Variants in EFNA5 observed in about 807,000 individuals in gnomAD.
The protein encoded by EFNA5 is ephrin A5.
EFNA5 carries 5 observed loss-of-function variants against 22.9 expected under a neutral mutation model. That is an observed-to-expected ratio of 0.22 (90% CI 0.11 to 0.46). The LOEUF (loss-of-function observed/expected upper bound fraction) is 0.46, where lower values mean the gene tolerates loss of function less well. Among genes scored for constraint, EFNA5 ranks in the 20% least tolerant of loss-of-function variants. The probability of loss-of-function intolerance (pLI) is 0.99; values close to 1 mark genes in which losing one functional copy is unlikely to be tolerated. For synonymous variants in EFNA5, 113 were observed against 112.2 expected, an observed-to-expected ratio of 1.01 and a Z score of -0.04; for missense variants, 237 against 293.3, an observed-to-expected ratio of 0.81 and a Z score of 1.40.
intron 1 of EFNA5, among the ~76,000 whole-genome samples, chr5:107,640,976 G>GTAGATAGATAGATAGATAGATAGA (rs55898305): frequency 2.8e-5 from 4 of 145,454 alleles, no homozygotes; most frequent in Admixed American, 7.0e-5. Context: ...AGGTAGGCAG[G>GTAGATAGATAGATAGATAGATAGA]TAGATAGATA....
chr5:107,476,057 T>TATACATATA, intron 1 of EFNA5, among the ~76,000 whole-genome samples: 3 of 100,422 alleles, frequency 3.0e-5, no homozygotes, highest in African/African-American at 5.0e-5. Context: ...TATATATATA[T>TATACATATA]TTTTTTTTTT....
At chr5:107,651,845 C>A (rs1325784016) in intron 1 of EFNA5, among the ~76,000 whole-genome samples, 1 of 152,124 alleles carries the variant, frequency 6.6e-6, no homozygotes, top group Non-Finnish European at 1.5e-5. Flanking sequence ...TCAACATTTA[C>A]CAGTATTCTG....
intron 1 of EFNA5, among the ~76,000 whole-genome samples, chr5:107,432,722 C>T (rs908574292): frequency 6.6e-6 from 1 of 152,060 alleles, no homozygotes; most frequent in African/African-American, 2.4e-5. Flanking sequence ...AAAAGATGGT[C>T]ACTGCTCCCC....
At chr5:107,464,340 G>T (rs546522040) in intron 1 of EFNA5, among the ~76,000 whole-genome samples, 1 of 152,272 alleles carries the variant, frequency 6.6e-6, no homozygotes, top group South Asian at 2.1e-4. Flanking sequence ...TTCTGATGAA[G>T]ATGACAAGCA....
chr5:107,541,326 C>A (rs949714421), intron 1 of EFNA5, among the ~76,000 whole-genome samples: 8 of 151,890 alleles, frequency 5.3e-5, no homozygotes, highest in African/African-American at 1.7e-4. Flanking sequence ...TATCAGAATG[C>A]CAATAGCAAT....
chr5:107,543,810 T>C (rs1248957007), intron 1 of EFNA5, among the ~76,000 whole-genome samples: 1 of 152,234 alleles, frequency 6.6e-6, no homozygotes, highest in Non-Finnish European at 1.5e-5. Context: ...ATTATTAGCC[T>C]TGGTGAAATG....
At chr5:107,545,326 T>G (rs1748123291) in intron 1 of EFNA5, among the ~76,000 whole-genome samples, 1 of 152,222 alleles carries the variant, frequency 6.6e-6, no homozygotes, top group Non-Finnish European at 1.5e-5. Context: ...ATCTTATATG[T>G]TGGGTATATT....
rs376934819 is a variant in EFNA5 at position 107,565,652 on chromosome 5, A to G, written c.125+104837T>C. Reference sequence around the variant, plus strand: ...AATATGTATTTTCCTGTTTTATAACAGCCAAATAATGCTAGGTATATATAT... The same window carrying G: ...AATATGTATTTTCCTGTTTTATAACGGCCAAATAATGCTAGGTATATATAT... On this transcript the variant is annotated intron_variant, in intron 1 of 4. Coordinates refer to ENST00000333274, the MANE Select transcript of EFNA5 (RefSeq NM_001962.3). Among the ~76,000 whole-genome samples the G allele has an allele frequency of 2.0e-4, 30 of 152,348 alleles. 1 individual carries two copies. The South Asian group carries it at 4.3e-3, about 22-fold the overall frequency.
intron 1 of EFNA5, among the ~76,000 whole-genome samples, chr5:107,587,599 C>T (rs887581434): frequency 2.6e-5 from 4 of 152,190 alleles, no homozygotes; most frequent in Admixed American, 1.3e-4. Flanking sequence ...TCACTGCAAG[C>T]TCCGCCTCCC....
chr5:107,602,011 T>C (rs1749607080), intron 1 of EFNA5, among the ~76,000 whole-genome samples: 1 of 152,236 alleles, frequency 6.6e-6, no homozygotes, highest in African/African-American at 2.4e-5. Context: ...TCCCTTAATT[T>C]ACTGAATACT....
intron 1 of EFNA5, among the ~76,000 whole-genome samples, chr5:107,666,747 T>C (rs1751083524): frequency 6.6e-6 from 1 of 152,138 alleles, no homozygotes; most frequent in Non-Finnish European, 1.5e-5. Context: ...TATGTTTAAT[T>C]ACCCTAATAT....
At chr5:107,572,134 C>T (rs909316576) in intron 1 of EFNA5, among the ~76,000 whole-genome samples, 1 of 152,020 alleles carries the variant, frequency 6.6e-6, no homozygotes, top group Admixed American at 6.5e-5. Context: ...CGGCAGAGAA[C>T]GTGCGTGATG....
intron 1 of EFNA5, among the ~76,000 whole-genome samples, chr5:107,660,306 A>ATATC: frequency 2.1e-5 from 2 of 96,824 alleles, no homozygotes; most frequent in Non-Finnish European, 4.1e-5. Flanking sequence ...ATATATATAT[A>ATATC]TATATATATT....
chr5:107,492,824 CCTCGT>C (rs1746848274), intron 1 of EFNA5, among the ~76,000 whole-genome samples: 1 of 152,042 alleles, frequency 6.6e-6, no homozygotes, highest in Admixed American at 6.5e-5. Context: ...CATGGTGAAA[CCTCGT>C]CTCTACTAAA....
Position 107,469,105 on chromosome 5 carries a change from T to C in EFNA5, c.126-41596A>G, listed in dbSNP as rs1750068493. ...CAAAATAAAAATGTGGGGCCCCTTG[T>C]TAAAACATTATTAAGAATTTCAAGA... On this transcript the variant is annotated intron_variant, in intron 1 of 4. Transcript: ENST00000333274. 2.0e-5 allele frequency among the ~76,000 whole-genome samples: 3 copies of C among 152,118 alleles called. No homozygotes were observed. In the South Asian group the frequency reaches 6.2e-4, roughly 31 times the overall value.
At chr5:107,405,688 G>A (rs1748190270) in intron 2 of EFNA5, among the ~76,000 whole-genome samples, 1 of 152,010 alleles carries the variant, frequency 6.6e-6, no homozygotes, top group Non-Finnish European at 1.5e-5. Flanking sequence ...AGTGATCCTG[G>A]TGGAAACTAA....
rs1749344358 is a variant in EFNA5 at position 107,591,906 on chromosome 5, AATATAAAAAATATATATATAATATATAAT to A, written c.125+78554_125+78582del. On this transcript the variant is annotated intron_variant, in intron 1 of 4. Coordinates refer to ENST00000333274, the MANE Select transcript of EFNA5 (RefSeq NM_001962.3). ...AATATATATATTATATATAATATAT[AATATAAAAAATATATATATAATATATAAT>A]ATATATATTATATATAATATATAAT... Among the ~76,000 whole-genome samples, 6 of 4,282 alleles carry A rather than the reference AATATAAAAAATATATATATAATATATAAT, an allele frequency of 1.4e-3. No homozygotes were observed. In the South Asian group the frequency reaches 0.029, roughly 21 times the overall value. 2.8% of individuals were successfully genotyped at this position (4,282 alleles called of 152,430 possible). A position where few individuals can be genotyped will look rare whatever the true frequency, so the allele number is the denominator to read the frequency against.
At chr5:107,491,900 T>C (rs1250251580) in intron 1 of EFNA5, among the ~76,000 whole-genome samples, 1 of 152,128 alleles carries the variant, frequency 6.6e-6, no homozygotes, top group Non-Finnish European at 1.5e-5. Context: ...AGTGGTGCAA[T>C]CTCGGCTCAC....
In EFNA5 at chr5:107,408,377, C is replaced by A. The variant is rs1580431324; in HGVS notation, c.418+18840G>T. 1.3e-5 allele frequency among the ~76,000 whole-genome samples: 2 copies of A among 152,270 alleles called. 1 individual carries two copies. The highest frequency in any genetic ancestry group is 3.9e-4 in the East Asian group (2 of 5,184). On this transcript the variant is annotated intron_variant, in intron 2 of 4. Coordinates refer to ENST00000333274, the MANE Select transcript of EFNA5 (RefSeq NM_001962.3). ...TTTGCTCCTTACAACCAATTTGATCCTGAAAAGTATATGTAAACTGAATTT... is the reference window on the plus strand; with the variant it reads ...TTTGCTCCTTACAACCAATTTGATCATGAAAAGTATATGTAAACTGAATTT...
Sources: gnomAD v4.1 joint callset for allele counts (sites outside exome capture counted in the v4.1 genomes callset) on GRCh38, gnomAD v4.1.1 for gene constraint, MANE v1.5 for transcripts, NCBI Gene and HGNC (gene_info 2026-07-23, HGNC 2026-07-21) for gene names.